The following MTUS1 variants were observed in gnomAD, a reference collection of about 807,000 sequenced individuals.
MTUS1 encodes the protein microtubule associated scaffold protein 1.
In MTUS1, 109 loss-of-function variants were observed where a neutral mutation model predicts 120.8. The ratio of observed to expected loss-of-function variants is 0.90; its 90% CI spans 0.77 to 1.06. The LOEUF (loss-of-function observed/expected upper bound fraction) is 1.06. MTUS1 is among the 50% of genes least tolerant of loss of function. The pLI, the probability that MTUS1 is intolerant of heterozygous loss-of-function variation, is 0.00. For synonymous variants in MTUS1, 737 were observed against 550.5 expected (o/e 1.34, Z -4.74); for missense variants, 2,210 against 1,486.3 (o/e 1.49, Z -8.01).
At chr8:17,714,765 G>T (rs563841069) in intron 5 of MTUS1, among the ~76,000 whole-genome samples, 1 of 152,038 alleles carries the variant, frequency 6.6e-6, no homozygotes, top group Non-Finnish European at 1.5e-5. Context: ...AATTAAGGAA[G>T]ACTCTTTGTT....
At chr8:17,657,924 T>C (rs1366656292) in intron 8 of MTUS1, among the ~76,000 whole-genome samples, 1 of 151,536 alleles carries the variant, frequency 6.6e-6, no homozygotes, top group Admixed American at 6.6e-5. Flanking sequence ...TATATATCTA[T>C]GTGTACATGT....
chr8:17,697,720 G>C, intron 6 of MTUS1: 4 of 1,000,214 alleles, frequency 4.0e-6, no homozygotes, highest in Non-Finnish European at 4.8e-6. Context: ...TAAAGGGGAG[G>C]AGAAAGTGGG....
Position 17,679,057 on chromosome 8 carries a change from G to A in MTUS1, c.2839-3805C>T, listed in dbSNP as rs563211175. 2.6e-4 allele frequency among the ~76,000 whole-genome samples: 39 copies of A among 152,290 alleles called. 1 individual carries two copies. In the South Asian group the frequency reaches 7.9e-3, roughly 31 times the overall value. On this transcript the variant is annotated intron_variant, in intron 7 of 14. Transcript: ENST00000693296. Reference sequence around the variant, plus strand: ...GTCTGATATGTAATGAAATATGTCTGCCACTACAGTGGGAAACTTATAGTT... The same window carrying A: ...GTCTGATATGTAATGAAATATGTCTACCACTACAGTGGGAAACTTATAGTT...
At chr8:17,749,660 A>C (rs1179678623) in intron 2 of MTUS1, among the ~76,000 whole-genome samples, 3 of 102,880 alleles carry the variant, frequency 2.9e-5, no homozygotes, top group South Asian at 3.1e-4. Context: ...AATCTGTCTC[A>C]AAAAAAAAAA....
intron 1 of MTUS1, among the ~76,000 whole-genome samples, chr8:17,765,929 T>A (rs1447189868): frequency 1.3e-5 from 2 of 152,096 alleles, no homozygotes; most frequent in African/African-American, 4.8e-5. Context: ...GGTTCTTACT[T>A]TTCACAAATC....
intron 1 of MTUS1, among the ~76,000 whole-genome samples, chr8:17,791,899 T>C (rs1048212326): frequency 1.4e-4 from 21 of 152,324 alleles, no homozygotes; most frequent in African/African-American, 4.8e-4. Context: ...GATCATTTTC[T>C]ATATACCTGG....
chr8:17,719,649 CTT>C (rs1017057159), intron 4 of MTUS1, among the ~76,000 whole-genome samples: 3 of 152,148 alleles, frequency 2.0e-5, no homozygotes, highest in Non-Finnish European at 4.4e-5. Context: ...GAACACAAAA[CTT>C]TCCCTCTGAA....
chr8:17,652,085 A>G lies in MTUS1; in HGVS notation c.3384+1101T>C, dbSNP rs1807125507. Reference sequence around the variant, plus strand: ...TTTCTAGAGCTGGCCAGAGATTTGAAGTGGAGAAAAGCTTTGCTTCTGCAG... The same window carrying G: ...TTTCTAGAGCTGGCCAGAGATTTGAGGTGGAGAAAAGCTTTGCTTCTGCAG... On this transcript the variant is annotated intron_variant, in intron 12 of 14. Coordinates refer to ENST00000693296, the MANE Select transcript of MTUS1 (RefSeq NM_001363059.2). Among the ~76,000 whole-genome samples the G allele has an allele frequency of 2.0e-5, 3 of 152,218 alleles. No individual in the cohort carries two copies. In the South Asian group the frequency reaches 6.2e-4, roughly 32 times the overall value.
intron 8 of MTUS1, among the ~76,000 whole-genome samples, chr8:17,659,867 C>T (rs1428263315): frequency 6.6e-6 from 1 of 152,150 alleles, no homozygotes; most frequent in Non-Finnish European, 1.5e-5. Flanking sequence ...ACCAATTAAA[C>T]AGTAACAACC....
At position 17,745,970 on chromosome 8, in the gene MTUS1, G is replaced by T. The variant is rs552449930; in HGVS notation, c.2092-2171C>A. On this transcript the variant is annotated intron_variant, in intron 2 of 14. Coordinates refer to ENST00000693296, the MANE Select transcript of MTUS1 (RefSeq NM_001363059.2). ...CAGTGAGTTCTTACAAGATCTGGTT[G>T]TTTAAAAGGGTGTGTCACCTGCCCC... 3.3e-5 allele frequency among the ~76,000 whole-genome samples: 5 copies of T among 152,278 alleles called. No individual in the cohort carries two copies. In the East Asian group the frequency reaches 9.7e-4, roughly 29 times the overall value.
chr8:17,798,286 T>C (rs1018251444), intron 1 of MTUS1, among the ~76,000 whole-genome samples: 3 of 152,144 alleles, frequency 2.0e-5, no homozygotes, highest in Admixed American at 2.0e-4. Flanking sequence ...TAACCCAAGA[T>C]ATGGAAGTTC....
intron 7 of MTUS1, chr8:17,681,766 T>C (rs970417226): frequency 1.3e-5 from 2 of 154,784 alleles, no homozygotes; most frequent in East Asian, 1.9e-4. Flanking sequence ...AAGAGCCTTA[T>C]AGTACCAGTT....
Position 17,754,238 on chromosome 8 carries a change from CTT to C in MTUS1, c.1568_1569del (p.Lys523ArgfsTer37), listed in dbSNP as rs1457833517. The C allele has an allele frequency of 3.1e-6, 5 of 1,614,102 alleles. No homozygotes were observed. On this transcript the variant is annotated frameshift_variant, in exon 2 of 15. Transcript: ENST00000693296. LOFTEE classifies it high-confidence loss of function. ...KVMSRAVLQP[K>X]DAALSKVTPR... Reference sequence around the variant, plus strand: ...GGCGTGACCTTTGATAAAGCAGCATCTTTGGGCTGCAACACTGCTCTAGACAT... The same window carrying C: ...GGCGTGACCTTTGATAAAGCAGCATCTGGGCTGCAACACTGCTCTAGACAT...
intron 4 of MTUS1, chr8:17,722,667 T>C (rs1401662724): frequency 1.1e-5 from 6 of 537,802 alleles, no homozygotes; most frequent in Non-Finnish European, 1.4e-5. Context: ...AAATGCATTC[T>C]CAATTCCCTC....
At chr8:17,782,166 C>T (rs74819086) in intron 1 of MTUS1, among the ~76,000 whole-genome samples, 9,320 of 152,090 alleles carry the variant, frequency 0.061, 744 homozygotes, top group African/African-American at 0.18. Flanking sequence ...ATTTTTTTCC[C>T]CCCTTAAATG....
intron 2 of MTUS1, among the ~76,000 whole-genome samples, chr8:17,752,268 CA>C (rs1261977418): frequency 1.3e-5 from 2 of 151,594 alleles, no homozygotes; most frequent in African/African-American, 2.4e-5. Flanking sequence ...ACTGACACAC[CA>C]AAAAAAGTCT....
In MTUS1 at chr8:17,684,507, A is replaced by G. The variant is rs1286169348; in HGVS notation, c.2659T>C (p.Cys887Arg). Residue 887 changes from cysteine to arginine, a missense_variant, in exon 7 of 15, where the codon TGT becomes CGT. By Grantham distance (180) the Cys-to-Arg change is radical. Transcript: ENST00000693296. Reference sequence around the variant, plus strand: ...TCGGGAGCTGTCTGTGGCTGGATACATAAGCTTCGAGGATTCTTTTGCCTG... The same window carrying G: ...TCGGGAGCTGTCTGTGGCTGGATACGTAAGCTTCGAGGATTCTTTTGCCTG... ...KSRQKNPRSLCIQPQTAPDAL... is the reference protein window; with the variant it reads ...KSRQKNPRSLRIQPQTAPDAL... 2 of 1,614,216 alleles carry G rather than the reference A, an allele frequency of 1.2e-6. No homozygotes were observed. The highest frequency in any genetic ancestry group is 1.7e-6 in the Non-Finnish European group (2 of 1,180,036).
In MTUS1 at chr8:17,657,441, G is replaced by A. The variant is rs574910326; in HGVS notation, c.2906-1376C>T. ...AAATTAGCCGGGCGTAGTGACGGGC[G>A]CCTGTAGTCCCAGCTACTTGGGAGG... On this transcript the variant is annotated intron_variant, in intron 8 of 14. Coordinates refer to ENST00000693296, the MANE Select transcript of MTUS1 (RefSeq NM_001363059.2). Among the ~76,000 whole-genome samples the A allele has an allele frequency of 5.5e-3, 825 of 149,886 alleles. 2 individuals are homozygous for A. Among genetic ancestry groups the A allele is most frequent in the Non-Finnish European group, 8.8e-3 (593 of 67,144 alleles).
At chr8:17,663,781 A>C (rs1810304735) in intron 8 of MTUS1, among the ~76,000 whole-genome samples, 1 of 152,086 alleles carries the variant, frequency 6.6e-6, no homozygotes, top group African/African-American at 2.4e-5. Context: ...TTTTTAGTGG[A>C]GACAGGGTTT....
Sources: gnomAD v4.1 joint callset for allele counts (sites outside exome capture counted in the v4.1 genomes callset) on GRCh38, gnomAD v4.1.1 for gene constraint, MANE v1.5 for transcripts, NCBI Gene and HGNC (gene_info 2026-07-23, HGNC 2026-07-21) for gene names.